Variants in PLCH1 observed in about 807,000 individuals in gnomAD.
PLCH1 encodes 1-phosphatidylinositol 4,5-bisphosphate phosphodiesterase eta-1.
A neutral mutation model predicts 126.7 loss-of-function variants in PLCH1; 60 were observed. The ratio of observed to expected loss-of-function variants is 0.47; its 90% CI spans 0.38 to 0.59. The LOEUF is 0.59. Ranked by LOEUF, PLCH1 falls within the 20% of genes least tolerant of loss-of-function variation. The pLI is 0.00. For synonymous variants in PLCH1, 719 were observed against 734.9 expected (o/e 0.98, Z 0.35); for missense variants, 1,723 against 2,040.0 (o/e 0.84, Z 2.99).
Position 155,504,582 on chromosome 3 carries a change from G to T in PLCH1, c.1677C>A (p.Ser559=), listed in dbSNP as rs769270977. The T allele has an allele frequency of 8.1e-6, 13 of 1,606,706 alleles. No individual in the cohort carries two copies. The East Asian group carries it at 2.9e-4, about 36-fold the overall frequency. The change falls in exon 13 of 23, where the codon TCC becomes TCA. Residue 559 remains serine, a synonymous_variant. Transcript: ENST00000460012. ...KESGKKSHGR[S]LMTNFGKHKK... The stretch of plus-strand genomic sequence containing the variant: ...TATGTTTTCCAAAGTTGGTCATGAG[G>T]GATCGTCCATGTGATTTCTTTCCAC...
At chr3:155,538,315 A>C in intron 10 of PLCH1, among the ~76,000 whole-genome samples, 1 of 152,128 alleles carries the variant, frequency 6.6e-6, no homozygotes, top group Non-Finnish European at 1.5e-5. Context: ...CAAACAGATA[A>C]TCTTAGGTCA....
chr3:155,691,643 G>C (rs1157445029), intron 2 of PLCH1, among the ~76,000 whole-genome samples: 1 of 152,088 alleles, frequency 6.6e-6, no homozygotes, highest in Non-Finnish European at 1.5e-5. Flanking sequence ...CTAAGTCTCT[G>C]GATACCACTT....
intron 2 of PLCH1, among the ~76,000 whole-genome samples, chr3:155,696,628 G>A (rs1745829039): frequency 6.6e-6 from 1 of 152,166 alleles, no homozygotes; most frequent in Non-Finnish European, 1.5e-5. Flanking sequence ...GGTCTAAGGG[G>A]AAATAATTCT....
At chr3:155,571,931 C>A (rs1037803390) in intron 6 of PLCH1, among the ~76,000 whole-genome samples, 1 of 152,172 alleles carries the variant, frequency 6.6e-6, no homozygotes, top group African/African-American at 2.4e-5. Context: ...AATGCTGAAT[C>A]CGTTGTACAC....
At chr3:155,655,149 T>C (rs1184107334) in intron 2 of PLCH1, among the ~76,000 whole-genome samples, 3 of 152,092 alleles carry the variant, frequency 2.0e-5, no homozygotes, top group Non-Finnish European at 4.4e-5. Context: ...CCTAAAATAT[T>C]CCCCAGCTAG....
At chr3:155,702,477 G>A (rs1038724043) in intron 2 of PLCH1, among the ~76,000 whole-genome samples, 2 of 152,062 alleles carry the variant, frequency 1.3e-5, no homozygotes, top group African/African-American at 4.8e-5. Context: ...TCATAAAATG[G>A]GTTGAATAAT....
At chr3:155,495,865 C>A (rs753858841) in intron 15 of PLCH1, among the ~76,000 whole-genome samples, 4 of 152,092 alleles carry the variant, frequency 2.6e-5, no homozygotes, top group Non-Finnish European at 4.4e-5. Context: ...TTGGCATAAC[C>A]TATTAACACA....
chr3:155,623,856 T>A (rs1218065384), intron 2 of PLCH1, among the ~76,000 whole-genome samples: 1 of 152,182 alleles, frequency 6.6e-6, no homozygotes, highest in Non-Finnish European at 1.5e-5. Context: ...TCTGAAACTA[T>A]TCCAAACAAT....
rs1314067722 is a variant in PLCH1 at position 155,500,774 on chromosome 3, A to G, written c.1725T>C (p.Ser575=). 6.2e-7 allele frequency: 1 copy of G among 1,612,596 alleles called. No individual in the cohort carries two copies. Among genetic ancestry groups the G allele is most frequent in the Non-Finnish European group, 8.5e-7 (1 of 1,178,808 alleles). Residue 575 remains serine, a synonymous_variant, in exon 14 of 23, where the codon TCT becomes TCC. Coordinates refer to ENST00000460012, the MANE Select transcript of PLCH1 (RefSeq NM_014996.4). The part of the protein sequence containing the change: ...GKHKKTTKSR[S]KSYSTDDEED... The stretch of plus-strand genomic sequence containing the variant: ...CCTCATCATCAGTACTGTAAGATTT[A>G]GACCGTGATTTTGTAGTTTTCTGCC...
At chr3:155,460,722 T>G (rs1281088230) in intron 21 of PLCH1, among the ~76,000 whole-genome samples, 1 of 152,088 alleles carries the variant, frequency 6.6e-6, no homozygotes, top group East Asian at 1.9e-4. Context: ...CTATCTGGTC[T>G]CTGCAAACAT....
chr3:155,653,036 C>T (rs1393932366), intron 2 of PLCH1, among the ~76,000 whole-genome samples: 1 of 152,102 alleles, frequency 6.6e-6, no homozygotes, highest in Non-Finnish European at 1.5e-5. Flanking sequence ...CACTAGTCTA[C>T]AAGACTACTG....
At position 155,536,032 on chromosome 3, in the gene PLCH1, G is replaced by T. The variant is rs530246791; in HGVS notation, c.1363-12028C>A. Among the ~76,000 whole-genome samples the T allele has an allele frequency of 8.3e-4, 126 of 152,286 alleles. 5 individuals carry two copies. The South Asian group carries it at 0.026, about 31-fold the overall frequency. On this transcript the variant is annotated intron_variant, in intron 10 of 22. Coordinates refer to ENST00000460012, the MANE Select transcript of PLCH1 (RefSeq NM_014996.4). Reference sequence around the variant, plus strand: ...AGATATTCCTGAGTACCAGGCTGGAGCCTGGTAGCCCCACTGGGTGGCTAG... The same window carrying T: ...AGATATTCCTGAGTACCAGGCTGGATCCTGGTAGCCCCACTGGGTGGCTAG...
chr3:155,597,555 C>T (rs1442049371), intron 2 of PLCH1, among the ~76,000 whole-genome samples: 7 of 152,152 alleles, frequency 4.6e-5, no homozygotes, highest in Admixed American at 4.6e-4. Flanking sequence ...CCTTATCAAG[C>T]AGTATGCTGT....
intron 2 of PLCH1, among the ~76,000 whole-genome samples, chr3:155,633,834 C>A (rs1738387319): frequency 2.0e-5 from 3 of 152,124 alleles, no homozygotes; most frequent in Non-Finnish European, 4.4e-5. Context: ...GCACGAGAAC[C>A]ACTTGAAGCC....
intron 2 of PLCH1, among the ~76,000 whole-genome samples, chr3:155,682,423 A>C (rs911109832): frequency 1.3e-5 from 2 of 152,214 alleles, no homozygotes; most frequent in Admixed American, 6.5e-5. Context: ...GTTCATATAC[A>C]AAGGAAAAGG....
At position 155,590,448 on chromosome 3, in the gene PLCH1, G is replaced by C. The variant is rs565008231; in HGVS notation, c.470+3493C>G. ...AAAAAATTAGCCGGGCGTGGTGGCG[G>C]GCGCCTGTAGTCCCAGCTACTCGGG... On this transcript the variant is annotated intron_variant, in intron 4 of 22. Coordinates refer to ENST00000460012, the MANE Select transcript of PLCH1 (RefSeq NM_014996.4). Among the ~76,000 whole-genome samples, 182 of 152,142 alleles carry C rather than the reference G, an allele frequency of 1.2e-3. 3 individuals carry two copies. The highest frequency in any genetic ancestry group is 4.3e-3 in the African/African-American group (177 of 41,502).
intron 8 of PLCH1, among the ~76,000 whole-genome samples, chr3:155,559,722 G>GT (rs1727327704): frequency 6.6e-6 from 1 of 152,146 alleles, no homozygotes; most frequent in Admixed American, 6.5e-5. Context: ...GTTTGTACAA[G>GT]TATCTGGAGA....
intron 2 of PLCH1, among the ~76,000 whole-genome samples, chr3:155,627,413 G>A (rs1200066105): frequency 2.2e-5 from 3 of 139,532 alleles, no homozygotes; most frequent in Non-Finnish European, 3.0e-5. Context: ...GGCCGATCAC[G>A]AGGTTAGGAG....
At chr3:155,603,792 T>A (rs1386959780) in intron 2 of PLCH1, among the ~76,000 whole-genome samples, 1 of 152,132 alleles carries the variant, frequency 6.6e-6, no homozygotes. Context: ...TTTTTAATGA[T>A]CTCTATATAA....
Sources: gnomAD v4.1 joint callset for allele counts (sites outside exome capture counted in the v4.1 genomes callset) on GRCh38, gnomAD v4.1.1 for gene constraint, MANE v1.5 for transcripts, NCBI Gene and HGNC (gene_info 2026-07-23, HGNC 2026-07-21) for gene names.